Variants in TEAD1 observed in about 807,000 individuals in gnomAD.
TEAD1 encodes the protein transcriptional enhancer factor TEF-1.
In TEAD1, 9 loss-of-function variants were observed where a neutral mutation model predicts 54.9. The ratio of observed to expected loss-of-function variants is 0.16; its 90% confidence interval spans 0.10 to 0.29. TEAD1 has a LOEUF of 0.29. Among genes scored for constraint, TEAD1 ranks in the 10% least tolerant of loss-of-function variants. The pLI is 1.00. For synonymous variants in TEAD1, 200 were observed against 187.8 expected (o/e 1.07, Z -0.53); for missense variants, 387 against 535.9 (o/e 0.72, Z 2.74).
intron 3 of TEAD1, among the ~76,000 whole-genome samples, chr11:12,844,371 T>G (rs1300744768): frequency 6.6e-6 from 1 of 152,200 alleles, no homozygotes; most frequent in East Asian, 1.9e-4. Context: ...TGTTAGAAAT[T>G]CCTGTTTGAA....
At chr11:12,844,720 T>C (rs1383690233) in intron 3 of TEAD1, among the ~76,000 whole-genome samples, 1 of 152,118 alleles carries the variant, frequency 6.6e-6, no homozygotes, top group Non-Finnish European at 1.5e-5. Flanking sequence ...AAGTATCAGC[T>C]GCTGTTGGAC....
At chr11:12,762,923 G>T (rs960891267) in intron 2 of TEAD1, among the ~76,000 whole-genome samples, 1 of 152,142 alleles carries the variant, frequency 6.6e-6, no homozygotes, top group Non-Finnish European at 1.5e-5. Flanking sequence ...TGTCCGTGTT[G>T]TAATACTGCC....
chr11:12,904,676 A>T (rs1948487296), intron 10 of TEAD1: 1 of 153,652 alleles, frequency 6.5e-6, no homozygotes, highest in African/African-American at 2.4e-5. Flanking sequence ...AAAAAGATGT[A>T]TATCAACATG....
chr11:12,939,366 C>G lies in TEAD1; in HGVS notation c.*2144C>G, dbSNP rs981731101. On this transcript the variant is annotated 3_prime_UTR_variant, in exon 13 of 13. Coordinates refer to ENST00000527636, the MANE Select transcript of TEAD1 (RefSeq NM_021961.6). ...CCTTAAGGGAAGCCCCATCCTCTCC[C>G]AGGACCAGGAGTTTATGACCAGGCG... 1.3e-5 allele frequency: 2 copies of G among 152,320 alleles called. No individual in the cohort carries two copies. The highest frequency in any genetic ancestry group is 2.9e-5 in the Non-Finnish European group (2 of 68,138). The allele number at this position is 152,320 out of a possible 1,614,324, so 9.4% of individuals were successfully genotyped here.
At chr11:12,761,702 T>G (rs1251081696) in intron 2 of TEAD1, among the ~76,000 whole-genome samples, 1 of 152,190 alleles carries the variant, frequency 6.6e-6, no homozygotes, top group Non-Finnish European at 1.5e-5. Context: ...AGGCTGCTTC[T>G]GTCATACCTA....
chr11:12,765,925 T>A (rs1945199462), intron 3 of TEAD1, among the ~76,000 whole-genome samples: 1 of 152,206 alleles, frequency 6.6e-6, no homozygotes. Flanking sequence ...GCTATTTGCT[T>A]TGTGGGTCTT....
At chr11:12,861,774 G>A (rs990556150) in intron 3 of TEAD1, among the ~76,000 whole-genome samples, 4 of 152,170 alleles carry the variant, frequency 2.6e-5, no homozygotes, top group Admixed American at 2.6e-4. Context: ...ATCACCTGAG[G>A]TCGGGGGTTC....
chr11:12,704,991 A>G (rs764143111), intron 2 of TEAD1, among the ~76,000 whole-genome samples: 8 of 152,216 alleles, frequency 5.3e-5, no homozygotes, highest in East Asian at 1.9e-4. Flanking sequence ...TTCAATGGCT[A>G]TCTCTGGAAT....
intron 3 of TEAD1, among the ~76,000 whole-genome samples, chr11:12,852,451 T>A (rs1304247211): frequency 3.8e-5 from 1 of 26,434 alleles, no homozygotes; most frequent in Non-Finnish European, 1.5e-4. Context: ...TTTTTTTCCT[T>A]TTTTTTTTTT....
intron 5 of TEAD1, among the ~76,000 whole-genome samples, chr11:12,872,852 G>A (rs1947781127): frequency 6.6e-6 from 1 of 152,152 alleles, no homozygotes; most frequent in African/African-American, 2.4e-5. Context: ...CCATTACCTG[G>A]CCCCCGTAGA....
chr11:12,881,497 G>A (rs892407092), intron 7 of TEAD1, among the ~76,000 whole-genome samples: 3 of 152,114 alleles, frequency 2.0e-5, no homozygotes, highest in Non-Finnish European at 2.9e-5. Context: ...GGGCTATTTC[G>A]GGATAAAAGA....
chr11:12,757,497 G>C (rs1312936328), intron 2 of TEAD1, among the ~76,000 whole-genome samples: 1 of 152,198 alleles, frequency 6.6e-6, no homozygotes, highest in Non-Finnish European at 1.5e-5. Flanking sequence ...TAACACAGAA[G>C]GACTATTAGT....
intron 2 of TEAD1, among the ~76,000 whole-genome samples, chr11:12,748,811 TG>T (rs1205078514): frequency 6.9e-6 from 1 of 144,812 alleles, no homozygotes; most frequent in African/African-American, 2.6e-5. Flanking sequence ...GTCCTTTCCT[TG>T]AGACAGGAGC....
At chr11:12,748,254 G>A (rs1039200206) in intron 2 of TEAD1, among the ~76,000 whole-genome samples, 4 of 152,206 alleles carry the variant, frequency 2.6e-5, no homozygotes, top group Admixed American at 1.3e-4. Flanking sequence ...GAGCCGCTGC[G>A]CCTGGTCTAA....
At chr11:12,771,950 A>G (rs1590134600) in intron 3 of TEAD1, among the ~76,000 whole-genome samples, 1 of 152,214 alleles carries the variant, frequency 6.6e-6, no homozygotes, top group Admixed American at 6.5e-5. Flanking sequence ...CTGACTAAGA[A>G]TATCTGGGAG....
chr11:12,739,202 ATCTATCTATCTATCTATCTG>A (rs1477035415), intron 2 of TEAD1, among the ~76,000 whole-genome samples: 14 of 140,762 alleles, frequency 9.9e-5, no homozygotes, highest in African/African-American at 3.4e-4. Flanking sequence ...CATTCTTTCT[ATCTATCTATCTATCTATCTG>A]TCTATCTATC....
intron 2 of TEAD1, among the ~76,000 whole-genome samples, chr11:12,736,936 G>T (rs1261954779): frequency 6.6e-6 from 1 of 152,096 alleles, no homozygotes; most frequent in Non-Finnish European, 1.5e-5. Flanking sequence ...CAAAAATGGT[G>T]TTAGAACATT....
At chr11:12,782,057 G>A (rs1487917613) in intron 3 of TEAD1, among the ~76,000 whole-genome samples, 1 of 151,970 alleles carries the variant, frequency 6.6e-6, no homozygotes, top group Non-Finnish European at 1.5e-5. Flanking sequence ...GGCTGAGGTG[G>A]GAGGATCACC....
intron 2 of TEAD1, among the ~76,000 whole-genome samples, chr11:12,752,564 C>T (rs903788992): frequency 4.6e-5 from 7 of 152,020 alleles, no homozygotes; most frequent in African/African-American, 1.7e-4. Context: ...CTCAATATTG[C>T]GTTGGTACAA....
Sources: allele counts gnomAD v4.1 joint callset (sites outside exome capture counted in the v4.1 genomes callset), GRCh38; gene constraint gnomAD v4.1.1; transcripts MANE v1.5; gene names NCBI Gene and HGNC (gene_info 2026-07-23, HGNC 2026-07-21).